COL12A1: variants seen among roughly 807,000 people sequenced by gnomAD.
COL12A1 encodes the protein collagen alpha-1(XII) chain.
A neutral mutation model predicts 349.7 loss-of-function variants in COL12A1; 114 were observed. That is an observed-to-expected ratio of 0.33 (90% confidence interval 0.28 to 0.38). COL12A1 has a LOEUF of 0.38. Ranked by LOEUF, COL12A1 falls within the 10% of genes least tolerant of loss-of-function variation. The pLI is 1.00. For synonymous variants in COL12A1, 1,369 were observed against 1,329.0 expected (o/e 1.03, Z -0.66); for missense variants, 3,284 against 3,756.9 (o/e 0.87, Z 3.29).
intron 33 of COL12A1, 30 bp downstream of exon 33, chr6:75,133,828 C>G (rs770342052): frequency 4.3e-6 from 7 of 1,612,762 alleles, no homozygotes; most frequent in Middle Eastern, 1.7e-4. Context: ...TTTAAACAAA[C>G]TAGCATTTTT....
chr6:75,177,950 G>A lies in COL12A1; in HGVS notation c.2165-15C>T. 7.6e-6 allele frequency: 12 copies of A among 1,574,552 alleles called. No individual in the cohort carries two copies. The highest frequency in any genetic ancestry group is 1.9e-4 in the Middle Eastern group (1 of 5,156). On this transcript the variant is annotated splice_polypyrimidine_tract_variant and intron_variant, in intron 11 of 65. Coordinates refer to ENST00000322507, the MANE Select transcript of COL12A1 (RefSeq NM_004370.6). ...TGCTCCTTTTACTGAAATAAAAAAG[G>A]AAAAATAGATTTTAAACCATAAATT...
At chr6:75,169,001 A>G (rs1159770625) in intron 13 of COL12A1, among the ~76,000 whole-genome samples, 1 of 152,130 alleles carries the variant, frequency 6.6e-6, no homozygotes, top group East Asian at 1.9e-4. Flanking sequence ...AACAGAGGAG[A>G]TGATTTAAGC....
chr6:75,151,277 A>C lies in COL12A1; in HGVS notation c.4011T>G (p.Asn1337Lys), dbSNP rs1562231192. Residue 1337 changes from asparagine (N) to lysine (K), a missense_variant, in exon 21 of 66, where the codon AAT becomes AAG. By Grantham distance (94) the Asn-to-Lys change is moderately conservative. Around this residue, in one of 2 missense-constraint regions of COL12A1, gnomAD observed 2,601 missense variants for 2,824.8 expected, o/e 0.92. Coordinates refer to ENST00000322507, the MANE Select transcript of COL12A1 (RefSeq NM_004370.6). ...GVELFAIGIK[N>K]ADEVELKMIA... is the part of the protein sequence containing the mutation. ...TCATCTTTAATTCGACTTCATCAGC[A>C]TTTTTAATACCTTCAAAAACGGATA... The C allele has an allele frequency of 6.2e-7, 1 of 1,613,110 alleles. No homozygotes were observed. Among genetic ancestry groups the C allele is most frequent in the African/African-American group, 1.3e-5 (1 of 74,984 alleles).
intron 2 of COL12A1, 106 bp from the exon 3 acceptor site, chr6:75,195,053 A>C (rs549022784): frequency 9.5e-6 from 6 of 634,768 alleles, no homozygotes; most frequent in Non-Finnish European, 1.6e-5. Flanking sequence ...TTGTCTTTGC[A>C]TAAATTTGTT....
chr6:75,165,433 A>G, intron 14 of COL12A1, 74 bp downstream of exon 14: 1 of 1,511,424 alleles, frequency 6.6e-7, no homozygotes, highest in Non-Finnish European at 8.9e-7. Flanking sequence ...AAGTGATTAA[A>G]CTGCATGTCA....
chr6:75,151,083 A>AAAT, intron 21 of COL12A1, 58 bp downstream of exon 21: 1 of 944,626 alleles, frequency 1.1e-6, no homozygotes, highest in Non-Finnish European at 1.5e-6. Context: ...CAAAAGAATA[A>AAAT]TTATTTGGCC....
Position 75,113,692 on chromosome 6 carries a change from T to A in COL12A1, c.7750A>T (p.Arg2584Ter). 6.2e-7 allele frequency: 1 copy of A among 1,607,266 alleles called. No homozygotes were observed. The highest frequency in any genetic ancestry group is 8.5e-7 in the Non-Finnish European group (1 of 1,175,448). Residue 2584 changes from arginine (R) to a stop codon, truncating the protein, a stop_gained, in exon 50 of 66, where the codon AGA becomes TGA. Transcript: ENST00000322507. LOFTEE classifies it high-confidence loss of function. Reference protein sequence around the residue: ...PPSYTIILLFRLLPETPSDPF... With the variant: ...PPSYTIILLF ...TCACTGGGAGTTTCTGGGAGAAGTC[T>A]GAATAATAATATAATCGTGTATGAA...
intron 1 of COL12A1, among the ~76,000 whole-genome samples, chr6:75,204,257 AC>A (rs1386346755): frequency 6.6e-6 from 1 of 152,176 alleles, no homozygotes; most frequent in Non-Finnish European, 1.5e-5. Flanking sequence ...TCTTGCCTTA[AC>A]TTTGGTATAA....
At chr6:75,198,469 T>C (rs1245292652) in intron 2 of COL12A1, among the ~76,000 whole-genome samples, 1 of 151,218 alleles carries the variant, frequency 6.6e-6, no homozygotes, top group African/African-American at 2.4e-5. Flanking sequence ...ACATATGTAT[T>C]ACATATGTAA....
intron 54 of COL12A1, among the ~76,000 whole-genome samples, chr6:75,104,551 C>A (rs1394290334): frequency 2.0e-5 from 3 of 152,188 alleles, no homozygotes; most frequent in African/African-American, 7.2e-5. Context: ...GAGATTAGAG[C>A]TATCCTCAAA....
Position 75,202,776 on chromosome 6 carries a change from G to A in COL12A1, c.17C>T (p.Pro6Leu), listed in dbSNP as rs1228546649. The A allele has an allele frequency of 1.3e-6, 2 of 1,551,848 alleles. No homozygotes were observed. Among genetic ancestry groups the A allele is most frequent in the Admixed American group, 2.0e-5 (1 of 51,042 alleles). MRSRL[P>L]PALAALGAAL... ...CGCGCCCAGGGCGGCAAGCGCTGGG[G>A]GAAGCCTACTCCGCATCCTTGGCCT... The change falls in exon 2 of 66, where the codon CCC becomes CTC. Residue 6 changes from proline to leucine, a missense_variant. Pro to Leu is a moderately conservative substitution (Grantham distance 98). Coordinates refer to ENST00000322507, the MANE Select transcript of COL12A1 (RefSeq NM_004370.6).
chr6:75,090,376 G>A lies in COL12A1; in HGVS notation c.8753-78C>T. On this transcript the variant is annotated intron_variant, in intron 62 of 65. Transcript: ENST00000322507. This position sits in a 1 kb window ranked among gnomAD's most constrained non-coding sequence, Gnocchi z 4.1. ...GAGAGTGAAACTGTTTTCTCTTAGT[G>A]TCTAGTGAAATCCATCTCCATTCTG... 7.3e-7 allele frequency: 1 copy of A among 1,377,986 alleles called. No individual in the cohort carries two copies. Among genetic ancestry groups the A allele is most frequent in the Non-Finnish European group, 9.9e-7 (1 of 1,007,704 alleles). 85.4% of individuals were successfully genotyped at this position (1,377,986 alleles called of 1,614,324 possible). A position where few individuals can be genotyped will look rare whatever the true frequency, so the allele number is the denominator to read the frequency against.
intron 27 of COL12A1, among the ~76,000 whole-genome samples, chr6:75,141,638 G>T (rs895252768): frequency 1.3e-5 from 2 of 152,116 alleles, no homozygotes; most frequent in African/African-American, 4.8e-5. Context: ...CTTATATTTT[G>T]TTACCCTTGA....
intron 54 of COL12A1, 123 bp from the exon 55 acceptor site, chr6:75,103,933 A>T (rs941345473): frequency 3.4e-6 from 2 of 587,238 alleles, no homozygotes; most frequent in African/African-American, 3.9e-5. Flanking sequence ...TGCTTGCAAA[A>T]TACTGAAGCA....
intron 27 of COL12A1, 140 bp downstream of exon 27, chr6:75,141,892 G>T: frequency 9.4e-7 from 1 of 1,060,216 alleles, no homozygotes; most frequent in Non-Finnish European, 1.3e-6. Context: ...AAAAAAATAA[G>T]TGAAAAACAA....
At chr6:75,204,805 G>C (rs1388411737) in intron 1 of COL12A1, among the ~76,000 whole-genome samples, 2 of 151,850 alleles carry the variant, frequency 1.3e-5, no homozygotes, top group Non-Finnish European at 2.9e-5. Context: ...CACACACCGC[G>C]TGCGCGTCGC....
chr6:75,169,374 T>C (rs1768503523), intron 13 of COL12A1, among the ~76,000 whole-genome samples: 2 of 152,184 alleles, frequency 1.3e-5, no homozygotes, highest in South Asian at 4.1e-4. Flanking sequence ...GACCAGTCTG[T>C]AGGCTATCTC....
intron 44 of COL12A1, among the ~76,000 whole-genome samples, chr6:75,120,333 C>T (rs1769294036): frequency 6.6e-6 from 1 of 152,028 alleles, no homozygotes; most frequent in African/African-American, 2.4e-5. Context: ...ACTACTATTC[C>T]ATAAAAGAGG....
chr6:75,094,166 C>A (rs1312087573), intron 60 of COL12A1, among the ~76,000 whole-genome samples: 1 of 152,058 alleles, frequency 6.6e-6, no homozygotes, highest in Non-Finnish European at 1.5e-5. Context: ...CAAGGCAAGC[C>A]ATATCACATA....
Sources: gnomAD v4.1 joint callset for allele counts (sites outside exome capture counted in the v4.1 genomes callset) on GRCh38, gnomAD v4.1.1 for gene constraint, gnomAD v4.1.1 regional missense constraint, Gnocchi (gnomAD v3.1) non-coding constraint, MANE v1.5 for transcripts, NCBI Gene and HGNC (gene_info 2026-07-23, HGNC 2026-07-21) for gene names.